Variants in FHIT observed in about 807,000 individuals in gnomAD.
FHIT encodes the protein bis(5'-adenosyl)-triphosphatase.
In FHIT, 19 loss-of-function variants were observed where a neutral mutation model predicts 17.9. The observed-to-expected ratio is 1.06, with a 90% CI of 0.74 to 1.56. FHIT has a LOEUF of 1.56. FHIT is among the 40% of genes most tolerant of loss of function. The pLI, the probability that FHIT is intolerant of heterozygous loss-of-function variation, is 0.00. For synonymous variants in FHIT, 81 were observed against 69.7 expected, an observed-to-expected ratio of 1.16 and a Z score of -0.81; for missense variants, 248 against 189.2, an observed-to-expected ratio of 1.31 and a Z score of -1.82.
intron 8 of FHIT, among the ~76,000 whole-genome samples, chr3:59,841,549 C>T (rs1701534157): frequency 6.6e-6 from 1 of 152,166 alleles, no homozygotes; most frequent in African/African-American, 2.4e-5. Flanking sequence ...TTGGGTGAAG[C>T]TTTGGAGGGC....
At chr3:60,019,487 C>T (rs1159602539) in intron 5 of FHIT, among the ~76,000 whole-genome samples, 2 of 145,912 alleles carry the variant, frequency 1.4e-5, no homozygotes, top group Non-Finnish European at 3.0e-5. Flanking sequence ...GGCACAATCT[C>T]AGCTCAGTGC....
At chr3:61,156,134 C>T (rs1039754884) in intron 2 of FHIT, among the ~76,000 whole-genome samples, 3 of 152,152 alleles carry the variant, frequency 2.0e-5, no homozygotes, top group Non-Finnish European at 4.4e-5. Context: ...TCTCTCAGAA[C>T]CTTGCATCAA....
intron 5 of FHIT, among the ~76,000 whole-genome samples, chr3:60,175,886 AGT>A (rs1419582117): frequency 1.3e-5 from 2 of 152,172 alleles, no homozygotes; most frequent in South Asian, 2.1e-4. Flanking sequence ...CTCAGTCTGA[AGT>A]AGCACACTCT....
Position 60,852,059 on chromosome 3 carries a change from C to G in FHIT, c.-110-30048G>C, listed in dbSNP as rs1703176591. Among the ~76,000 whole-genome samples, 4 of 152,076 alleles carry G rather than the reference C, an allele frequency of 2.6e-5. 1 individual carries two copies. Among genetic ancestry groups the G allele is most frequent in the Admixed American group, 2.6e-4 (4 of 15,266 alleles). Reference sequence around the variant, plus strand: ...GACACACTTTTAATATTTAAATCAACAGATGCAGTAAAGCAATTGCCCTCC... The same window carrying G: ...GACACACTTTTAATATTTAAATCAAGAGATGCAGTAAAGCAATTGCCCTCC... On this transcript the variant is annotated intron_variant, in intron 3 of 9. Coordinates refer to ENST00000492590, the MANE Select transcript of FHIT (RefSeq NM_002012.4).
chr3:59,913,670 C>A (rs1704993135), intron 8 of FHIT, among the ~76,000 whole-genome samples: 3 of 152,086 alleles, frequency 2.0e-5, no homozygotes, highest in African/African-American at 7.2e-5. Context: ...TTCATTAGTG[C>A]TCTCCCTAGG....
intron 3 of FHIT, among the ~76,000 whole-genome samples, chr3:60,860,710 C>T (rs1553751839): frequency 1.9e-5 from 2 of 105,140 alleles, no homozygotes; most frequent in Non-Finnish European, 4.1e-5. Flanking sequence ...TACATATGTA[C>T]ATATATATCA....
intron 3 of FHIT, among the ~76,000 whole-genome samples, chr3:61,003,762 A>G (rs573195393): frequency 2.6e-4 from 39 of 152,406 alleles, no homozygotes; most frequent in African/African-American, 9.4e-4. Flanking sequence ...AGATCAGTAT[A>G]TCTTACTGAA....
chr3:61,148,900 G>A (rs1025163569), intron 2 of FHIT, among the ~76,000 whole-genome samples: 7 of 152,172 alleles, frequency 4.6e-5, no homozygotes, highest in Non-Finnish European at 1.0e-4. Context: ...TAGATGAAGA[G>A]TTCAAAAGAA....
intron 8 of FHIT, among the ~76,000 whole-genome samples, chr3:59,879,805 G>A (rs2106946211): frequency 6.6e-6 from 1 of 152,246 alleles, no homozygotes; most frequent in South Asian, 2.1e-4. Flanking sequence ...TGAAGACTCT[G>A]GCTCAGTTAT....
chr3:59,825,726 G>A (rs1446296043), intron 8 of FHIT, among the ~76,000 whole-genome samples: 1 of 152,140 alleles, frequency 6.6e-6, no homozygotes, highest in African/African-American at 2.4e-5. Context: ...CAGGTGTCTT[G>A]GGTGGAGAAG....
chr3:60,928,964 C>T (rs1192082282), intron 3 of FHIT, among the ~76,000 whole-genome samples: 3 of 152,196 alleles, frequency 2.0e-5, no homozygotes, highest in Non-Finnish European at 4.4e-5. Context: ...CAGAAATCCT[C>T]AATAAAATAC....
intron 5 of FHIT, among the ~76,000 whole-genome samples, chr3:60,022,082 A>G (rs1176209394): frequency 6.6e-6 from 1 of 152,238 alleles, no homozygotes; most frequent in Non-Finnish European, 1.5e-5. Context: ...ATTAATTATT[A>G]GTAATATTGT....
At chr3:60,196,199 A>T (rs1702633920) in intron 5 of FHIT, among the ~76,000 whole-genome samples, 1 of 152,134 alleles carries the variant, frequency 6.6e-6, no homozygotes, top group Admixed American at 6.5e-5. Flanking sequence ...AATGGCTGTC[A>T]CTGGGGTAAA....
At chr3:60,790,102 A>C (rs1553728105) in intron 4 of FHIT, among the ~76,000 whole-genome samples, 2 of 152,254 alleles carry the variant, frequency 1.3e-5, no homozygotes, top group Non-Finnish European at 2.9e-5. Flanking sequence ...AACTGCAGAA[A>C]AGGTCAGTTA....
rs535602176 is a variant in FHIT, at chr3:60,252,067, G to A, written c.104-237915C>T. On this transcript the variant is annotated intron_variant, in intron 5 of 9. Coordinates refer to ENST00000492590, the MANE Select transcript of FHIT (RefSeq NM_002012.4). ...ATGTGTGCCAAGTATTTCCATATAT[G>A]CCTAACTTAATCATTGGCTGTATGA... Among the ~76,000 whole-genome samples, 254 of 152,234 alleles carry A rather than the reference G, an allele frequency of 1.7e-3. 2 individuals carry two copies. Among genetic ancestry groups the A allele is most frequent in the Middle Eastern group, 0.014 (4 of 294 alleles).
chr3:60,241,042 T>C (rs770410683), intron 5 of FHIT, among the ~76,000 whole-genome samples: 7 of 152,158 alleles, frequency 4.6e-5, no homozygotes, highest in Non-Finnish European at 8.8e-5. Context: ...AAACTTATCA[T>C]AGTGAGTATC....
chr3:60,188,871 AT>A (rs966271497), intron 5 of FHIT, among the ~76,000 whole-genome samples: 48 of 149,922 alleles, frequency 3.2e-4, no homozygotes, highest in Admixed American at 1.7e-3. Context: ...TCACAAAGCA[AT>A]TTTTTTTTTA....
At chr3:60,488,062 T>C (rs2107493243) in intron 5 of FHIT, among the ~76,000 whole-genome samples, 1 of 152,236 alleles carries the variant, frequency 6.6e-6, no homozygotes, top group South Asian at 2.1e-4. Flanking sequence ...AAGGCAAGGC[T>C]AAAAAAGAAA....
intron 8 of FHIT, among the ~76,000 whole-genome samples, chr3:59,920,546 C>G (rs1324763596): frequency 6.6e-6 from 1 of 152,146 alleles, no homozygotes; most frequent in Non-Finnish European, 1.5e-5. Flanking sequence ...GAAAAGTAAC[C>G]ATGCAGCTTC....
Sources: allele counts gnomAD v4.1 joint callset (sites outside exome capture counted in the v4.1 genomes callset), GRCh38; gene constraint gnomAD v4.1.1; transcripts MANE v1.5; gene names NCBI Gene and HGNC (gene_info 2026-07-23, HGNC 2026-07-21).